The following RGS7 variants were observed in gnomAD, a reference collection of about 807,000 sequenced individuals.
The protein encoded by RGS7 is regulator of G protein signaling 7.
A neutral mutation model predicts 81.1 loss-of-function variants in RGS7; 27 were observed. That is an observed-to-expected ratio of 0.33 (90% CI 0.25 to 0.46). The LOEUF is 0.46. RGS7 is among the 20% of genes least tolerant of loss of function. The pLI is 1.00. For synonymous variants in RGS7, 208 were observed against 207.7 expected, an observed-to-expected ratio of 1.00 and a Z score of -0.01; for missense variants, 396 against 607.4, an observed-to-expected ratio of 0.65 and a Z score of 3.66.
At chr1:240,856,150 A>G (rs1459328558) in intron 9 of RGS7, among the ~76,000 whole-genome samples, 2 of 152,152 alleles carry the variant, frequency 1.3e-5, no homozygotes, top group African/African-American at 4.8e-5. Context: ...TTTTAAACAC[A>G]AAATCAAGTT....
chr1:241,010,536 G>GT (rs1417543081), intron 3 of RGS7, among the ~76,000 whole-genome samples: 1 of 152,186 alleles, frequency 6.6e-6, no homozygotes, highest in Non-Finnish European at 1.5e-5. Flanking sequence ...CTGATCGTTT[G>GT]TAACATGCCA....
At chr1:240,933,022 T>G (rs572469661) in intron 5 of RGS7, among the ~76,000 whole-genome samples, 102 of 149,108 alleles carry the variant, frequency 6.8e-4, no homozygotes, top group African/African-American at 2.5e-3. Flanking sequence ...TAGCTGGGAC[T>G]ACAGGCGCCC....
At chr1:241,149,041 A>G (rs1301849572) in intron 2 of RGS7, among the ~76,000 whole-genome samples, 3 of 152,260 alleles carry the variant, frequency 2.0e-5, no homozygotes, top group African/African-American at 4.8e-5. Context: ...TCTAGCACAA[A>G]TATCTGTGGT....
At chr1:240,955,897 AT>A (rs1451221813) in intron 4 of RGS7, among the ~76,000 whole-genome samples, 1 of 149,656 alleles carries the variant, frequency 6.7e-6, no homozygotes, top group Non-Finnish European at 1.5e-5. Context: ...ATAGACCTAA[AT>A]GCAAAATGCA....
chr1:241,205,951 C>A (rs1215669325), intron 2 of RGS7, among the ~76,000 whole-genome samples: 1 of 151,650 alleles, frequency 6.6e-6, no homozygotes, highest in Non-Finnish European at 1.5e-5. Flanking sequence ...CAGTTTGTTA[C>A]TGAAGCCAAA....
rs113677634 is a variant in RGS7, at chr1:241,153,465, G to GA, written c.79-54704dup. ...TTATATCGATGAGTTCAGATGATTT[G>GA]AAAAAAAAAAAGTGGTTAGATTTAC... On this transcript the variant is annotated intron_variant, in intron 2 of 18. Transcript: ENST00000440928. Among the ~76,000 whole-genome samples, 429 of 145,404 alleles carry GA rather than the reference G, an allele frequency of 3.0e-3. 2 individuals are homozygous for GA. Among genetic ancestry groups the GA allele is most frequent in the African/African-American group, 8.2e-3 (329 of 39,920 alleles).
At chr1:241,130,944 A>AAAAAAAAAAAAAAC (rs1491202997) in intron 2 of RGS7, among the ~76,000 whole-genome samples, 42 of 150,218 alleles carry the variant, frequency 2.8e-4, no homozygotes, top group African/African-American at 1.0e-3. Flanking sequence ...AAAAAAAAAA[A>AAAAAAAAAAAAAAC]ACCAAGAGGC....
At chr1:241,028,526 G>C (rs2059906167) in intron 3 of RGS7, among the ~76,000 whole-genome samples, 2 of 152,166 alleles carry the variant, frequency 1.3e-5, no homozygotes, top group South Asian at 4.1e-4. Context: ...GTTGGAGAAA[G>C]AGACTGAGAT....
At chr1:241,115,781 A>G (rs1028243012) in intron 2 of RGS7, among the ~76,000 whole-genome samples, 2 of 152,190 alleles carry the variant, frequency 1.3e-5, no homozygotes, top group Admixed American at 6.5e-5. Flanking sequence ...AAATCTGTGA[A>G]CTGAGTAAGT....
chr1:241,134,222 G>A (rs2067323168), intron 2 of RGS7, among the ~76,000 whole-genome samples: 1 of 152,172 alleles, frequency 6.6e-6, no homozygotes, highest in African/African-American at 2.4e-5. Context: ...CACCAACGAA[G>A]AACAGCCATC....
intron 6 of RGS7, among the ~76,000 whole-genome samples, chr1:240,929,795 A>C (rs1675092448): frequency 6.6e-6 from 1 of 152,296 alleles, no homozygotes; most frequent in South Asian, 2.1e-4. Flanking sequence ...TTCTCTCGCA[A>C]AATCATTCTG....
chr1:241,311,625 G>GT (rs372831962), intron 2 of RGS7, among the ~76,000 whole-genome samples: 2 of 152,092 alleles, frequency 1.3e-5, no homozygotes, highest in African/African-American at 4.8e-5. Flanking sequence ...AGAAATGGGC[G>GT]TTTTATATAT....
chr1:241,232,487 G>A lies in RGS7; in HGVS notation c.78+123212C>T, dbSNP rs114859263. Among the ~76,000 whole-genome samples the A allele has an allele frequency of 7.1e-3, 1,086 of 152,232 alleles. 17 individuals carry two copies. Among genetic ancestry groups the A allele is most frequent in the African/African-American group, 0.025 (1,032 of 41,530 alleles). ...CTCACAAAGTGTTGGGATTACTGGT[G>A]TGAGCCACTGCACTGGGCTTATATG... On this transcript the variant is annotated intron_variant, in intron 2 of 18. Coordinates refer to ENST00000440928, the MANE Select transcript of RGS7 (RefSeq NM_001364886.1).
At chr1:241,177,415 G>A (rs1000345334) in intron 2 of RGS7, among the ~76,000 whole-genome samples, 6 of 152,078 alleles carry the variant, frequency 3.9e-5, no homozygotes, top group Non-Finnish European at 8.8e-5. Context: ...AGACAGGGAT[G>A]GCATGTACAA....
rs747772480 is a variant in RGS7, at chr1:240,806,197, A to G, written c.1212T>C (p.Tyr404=). The G allele has an allele frequency of 4.1e-5, 66 of 1,613,970 alleles. No homozygotes were observed. The South Asian group carries it at 7.1e-4, about 17-fold the overall frequency. ...CCTTCACGTTCTGTGTGGTTTTGTC[A>G]TAACTCTTGGAATCCAAGTTAATAG... is the stretch of plus-strand genomic sequence containing the variant. ...PSAINLDSKS[Y]DKTTQNVKEP... The change falls in exon 15 of 19, where the codon TAT becomes TAC. Residue 404 remains tyrosine (Y), a synonymous_variant. Coordinates refer to ENST00000440928, the MANE Select transcript of RGS7 (RefSeq NM_001364886.1).
rs371063 is a variant in RGS7 at position 240,882,307 on chromosome 1, T to C, written c.386-12188A>G. ...TTCTGGAATAATGGCCAGGAACTAT[T>C]AATAGGAAAAGAATTAGACCTGTGA... On this transcript the variant is annotated intron_variant, in intron 6 of 18. Coordinates refer to ENST00000440928, the MANE Select transcript of RGS7 (RefSeq NM_001364886.1). 6.5e-3 allele frequency among the ~76,000 whole-genome samples: 994 copies of C among 152,260 alleles called. 15 individuals carry two copies. The highest frequency in any genetic ancestry group is 0.023 in the African/African-American group (938 of 41,546).
At chr1:241,149,247 A>G (rs988832824) in intron 2 of RGS7, among the ~76,000 whole-genome samples, 4 of 151,956 alleles carry the variant, frequency 2.6e-5, no homozygotes, top group African/African-American at 7.2e-5. Flanking sequence ...GCTCACTGCA[A>G]CCTCCACCTC....
chr1:241,066,559 C>T (rs1245335340), intron 3 of RGS7, among the ~76,000 whole-genome samples: 5 of 152,170 alleles, frequency 3.3e-5, no homozygotes, highest in East Asian at 1.9e-4. Context: ...GTGTGCTCAA[C>T]GTGTCTTTCT....
intron 3 of RGS7, among the ~76,000 whole-genome samples, chr1:241,061,049 A>G (rs2061714682): frequency 6.6e-6 from 1 of 152,164 alleles, no homozygotes; most frequent in African/African-American, 2.4e-5. Context: ...TGCCAGAATA[A>G]ACTGCGTGAG....
Sources: gnomAD v4.1 joint callset for allele counts (sites outside exome capture counted in the v4.1 genomes callset) on GRCh38, gnomAD v4.1.1 for gene constraint, MANE v1.5 for transcripts, NCBI Gene and HGNC (gene_info 2026-07-23, HGNC 2026-07-21) for gene names.